Variants in AFG1L observed in about 807,000 individuals in gnomAD.
The protein encoded by AFG1L is AFG1 like ATPase.
AFG1L carries 53 observed loss-of-function variants against 62.2 expected under a neutral mutation model. The ratio of observed to expected loss-of-function variants is 0.85; its 90% CI spans 0.68 to 1.07. The LOEUF is 1.07. AFG1L is among the 50% of genes least tolerant of loss of function. The probability of loss-of-function intolerance (pLI) is 0.00; values close to 1 mark genes in which losing one functional copy is unlikely to be tolerated. For missense variants in AFG1L, 555 were observed against 590.5 expected (o/e 0.94, Z 0.62); for synonymous variants, 228 against 210.3 (o/e 1.08, Z -0.73).
chr6:108,344,915 G>T lies in AFG1L; in HGVS notation c.364-2073G>T, dbSNP rs530618606. ...CCAGAGCCCTTCAGTTTCCAGTTTT[G>T]CTCTGGACCTGACTGCTTTCCTGAC... is the stretch of plus-strand genomic sequence containing the variant. On this transcript the variant is annotated intron_variant, in intron 2 of 12. Coordinates refer to ENST00000368977, the MANE Select transcript of AFG1L (RefSeq NM_145315.5). 1.5e-5 allele frequency: 6 copies of T among 410,908 alleles called. 1 individual carries two copies. The Middle Eastern group carries it at 1.8e-3, about 124-fold the overall frequency. 25.5% of individuals were successfully genotyped at this position (410,908 alleles called of 1,614,324 possible).
chr6:108,507,252 G>A (rs1223986262), intron 10 of AFG1L, among the ~76,000 whole-genome samples: 1 of 152,092 alleles, frequency 6.6e-6, no homozygotes, highest in Non-Finnish European at 1.5e-5. Context: ...GTGACATTAA[G>A]TACATTCATA....
At chr6:108,350,670 C>T (rs1014877989) in intron 3 of AFG1L, among the ~76,000 whole-genome samples, 1 of 152,188 alleles carries the variant, frequency 6.6e-6, no homozygotes, top group Admixed American at 6.5e-5. Flanking sequence ...GGCTTTCTCA[C>T]AACAGAGCCT....
At chr6:108,386,649 T>C (rs1409333743) in intron 6 of AFG1L, among the ~76,000 whole-genome samples, 1 of 152,176 alleles carries the variant, frequency 6.6e-6, no homozygotes, top group Non-Finnish European at 1.5e-5. Context: ...ATATAAGCAC[T>C]AGTTTTTTCT....
chr6:108,363,704 C>T (rs1217785379), intron 5 of AFG1L, among the ~76,000 whole-genome samples: 1 of 145,466 alleles, frequency 6.9e-6, no homozygotes, highest in Admixed American at 6.8e-5. Flanking sequence ...AATATGGGTC[C>T]AGAAAAAAAA....
At chr6:108,304,553 G>A (rs1168743750) in intron 1 of AFG1L, among the ~76,000 whole-genome samples, 1 of 152,128 alleles carries the variant, frequency 6.6e-6, no homozygotes, top group African/African-American at 2.4e-5. Context: ...TATTTAAATG[G>A]ATGTTTAATA....
intron 7 of AFG1L, among the ~76,000 whole-genome samples, chr6:108,429,141 T>G (rs945383510): frequency 2.0e-5 from 3 of 152,172 alleles, no homozygotes; most frequent in African/African-American, 7.2e-5. Context: ...CTATCCAGTT[T>G]TCCCAGCACC....
At chr6:108,319,184 G>T (rs926282707) in intron 1 of AFG1L, among the ~76,000 whole-genome samples, 1 of 152,254 alleles carries the variant, frequency 6.6e-6, no homozygotes, top group Non-Finnish European at 1.5e-5. Flanking sequence ...TAAACAGTAC[G>T]TTTTACCCAC....
In AFG1L at chr6:108,367,299, G is replaced by A. The variant is rs1779801511; in HGVS notation, c.748+967G>A. 1.3e-5 allele frequency among the ~76,000 whole-genome samples: 2 copies of A among 152,118 alleles called. 1 individual carries two copies. Among genetic ancestry groups the A allele is most frequent in the East Asian group, 3.9e-4 (2 of 5,188 alleles). On this transcript the variant is annotated intron_variant, in intron 6 of 12. Coordinates refer to ENST00000368977, the MANE Select transcript of AFG1L (RefSeq NM_145315.5). ...AATAGTCTTAGAATGAACATTGGAT[G>A]ATTGCATGTTTTAAAAAGATCTCTC... is the stretch of plus-strand genomic sequence containing the variant.
At chr6:108,323,458 G>C (rs997814995) in intron 1 of AFG1L, among the ~76,000 whole-genome samples, 2 of 152,032 alleles carry the variant, frequency 1.3e-5, no homozygotes, top group Non-Finnish European at 2.9e-5. Context: ...CTGCCTCCCA[G>C]GTTCAAGCAA....
intron 6 of AFG1L, among the ~76,000 whole-genome samples, chr6:108,395,439 G>C (rs1170460567): frequency 8.5e-6 from 1 of 118,172 alleles, no homozygotes; most frequent in African/African-American, 3.4e-5. Context: ...GTCTCACTCT[G>C]CACCCAGGCT....
At chr6:108,390,368 T>C (rs982006612) in intron 6 of AFG1L, among the ~76,000 whole-genome samples, 1 of 152,220 alleles carries the variant, frequency 6.6e-6, no homozygotes, top group Non-Finnish European at 1.5e-5. Flanking sequence ...TCTCTCAACT[T>C]GTCAAAGTCA....
At position 108,364,905 on chromosome 6, in the gene AFG1L, G is replaced by T. The variant is rs537906223; in HGVS notation, c.649-1328G>T. 4.0e-5 allele frequency among the ~76,000 whole-genome samples: 6 copies of T among 149,264 alleles called. No individual in the cohort carries two copies. In the East Asian group the frequency reaches 9.8e-4, roughly 24 times the overall value. Reference sequence around the variant, plus strand: ...AAAAAAAGTACATCTCTATTTCATGGTTTTGTTGTTTTCAGGTGGGAAAGA... The same window carrying T: ...AAAAAAAGTACATCTCTATTTCATGTTTTTGTTGTTTTCAGGTGGGAAAGA... On this transcript the variant is annotated intron_variant, in intron 5 of 12. Coordinates refer to ENST00000368977, the MANE Select transcript of AFG1L (RefSeq NM_145315.5).
intron 6 of AFG1L, among the ~76,000 whole-genome samples, chr6:108,385,769 C>A (rs1000226846): frequency 1.1e-4 from 16 of 152,138 alleles, no homozygotes; most frequent in Admixed American, 8.5e-4. Context: ...AGTGGAACAT[C>A]TTTAAAATGT....
At position 108,522,327 on chromosome 6, in the gene AFG1L, G is replaced by A. The variant is rs533940565; in HGVS notation, c.1348G>A (p.Gly450Arg). 4.2e-5 allele frequency: 68 copies of A among 1,613,590 alleles called. No homozygotes were observed. The highest frequency in any genetic ancestry group is 3.3e-4 in the Admixed American group (20 of 60,022). The change falls in exon 13 of 13, where the codon GGA becomes AGA. Residue 450 changes from glycine (G) to arginine (R), a missense_variant. Physicochemically the swap from Gly to Arg is moderately radical, Grantham distance 125. Coordinates refer to ENST00000368977, the MANE Select transcript of AFG1L (RefSeq NM_145315.5). ...AGCAGAAGGACTCTCCATGTTTACC[G>A]GAGAAGAGGAAATCTTTGCATTTCA... ...DSAEGLSMFT[G>R]EEEIFAFQRT... is the part of the protein sequence containing the mutation.
chr6:108,332,119 A>G (rs1035168635), intron 2 of AFG1L, among the ~76,000 whole-genome samples: 1 of 152,236 alleles, frequency 6.6e-6, no homozygotes, highest in African/African-American at 2.4e-5. Context: ...AAATAACTGT[A>G]TTCCAATAAA....
intron 1 of AFG1L, among the ~76,000 whole-genome samples, chr6:108,296,614 GTTAA>G (rs1278884990): frequency 6.6e-6 from 1 of 152,162 alleles, no homozygotes; most frequent in Non-Finnish European, 1.5e-5. Context: ...GTATACAGCA[GTTAA>G]TTCTGTTAAT....
intron 8 of AFG1L, among the ~76,000 whole-genome samples, chr6:108,462,729 T>G (rs1772510627): frequency 1.3e-5 from 2 of 152,176 alleles, no homozygotes; most frequent in African/African-American, 4.8e-5. Context: ...GGACAAAATA[T>G]CCAATTGTAT....
At chr6:108,380,191 C>A (rs1780437793) in intron 6 of AFG1L, among the ~76,000 whole-genome samples, 2 of 152,272 alleles carry the variant, frequency 1.3e-5, no homozygotes, top group African/African-American at 2.4e-5. Context: ...GCTTAGGCTG[C>A]TGAACCCGGC....
At chr6:108,385,134 A>G (rs1414369774) in intron 6 of AFG1L, among the ~76,000 whole-genome samples, 1 of 152,276 alleles carries the variant, frequency 6.6e-6, no homozygotes, top group Non-Finnish European at 1.5e-5. Context: ...TAAAAACCTA[A>G]GGTAAAGAGC....
Sources: gnomAD v4.1 joint callset for allele counts (sites outside exome capture counted in the v4.1 genomes callset) on GRCh38, gnomAD v4.1.1 for gene constraint, MANE v1.5 for transcripts, NCBI Gene and HGNC (gene_info 2026-07-23, HGNC 2026-07-21) for gene names.